The following BAX variants were observed in gnomAD, a reference collection of about 807,000 sequenced individuals.
BAX encodes apoptosis regulator BAX.
Under a neutral mutation model 26.8 loss-of-function variants are expected in BAX, and 21 were observed. That is an observed-to-expected ratio of 0.78 (90% CI 0.56 to 1.13). The LOEUF is 1.13. Among genes scored for constraint, BAX ranks in the 50% most tolerant of loss-of-function variants. The pLI is 0.00. For missense variants in BAX, 236 were observed against 254.6 expected (o/e 0.93, Z 0.50); for synonymous variants, 110 against 101.8 (o/e 1.08, Z -0.49).
intron 4 of BAX, among the ~76,000 whole-genome samples, chr19:48,960,077 G>C (rs906720562): frequency 5.3e-5 from 8 of 152,086 alleles, no homozygotes; most frequent in Non-Finnish European, 1.0e-4. Context: ...CCTGCACACA[G>C]GGCTTGTGGG....
chr19:48,955,415 A>T, intron 1 of BAX, 133 bp from the exon 2 acceptor site: 1 of 1,010,066 alleles, frequency 9.9e-7, no homozygotes. Context: ...CCCCCCCGTC[A>T]CTTTATCTGC....
intron 4 of BAX, chr19:48,960,136 G>C (rs1191809676): frequency 5.2e-6 from 2 of 383,014 alleles, no homozygotes; most frequent in Non-Finnish European, 5.2e-6. Flanking sequence ...GGGAGCCACA[G>C]AAGGCTCAGG....
rs1396684700 is a variant in BAX at position 48,961,771 on chromosome 19, G to A, written c.*135G>A. On this transcript the variant is annotated 3_prime_UTR_variant, in exon 6 of 6. Coordinates refer to ENST00000345358, the MANE Select transcript of BAX (RefSeq NM_138761.4). ...GGGGTGTGGGGAAGAGTGGTCTTGA[G>A]GGGGTAATAAACCTCCTTCGGGACA... 1 of 819,652 alleles carries A rather than the reference G, an allele frequency of 1.2e-6. No homozygotes were observed. Among genetic ancestry groups the A allele is most frequent in the Non-Finnish European group, 1.9e-6 (1 of 525,090 alleles). 50.8% of individuals were successfully genotyped at this position (819,652 alleles called of 1,614,324 possible).
intron 4 of BAX, among the ~76,000 whole-genome samples, chr19:48,957,479 T>C (rs2038187453): frequency 6.6e-6 from 1 of 151,328 alleles, no homozygotes; most frequent in Non-Finnish European, 1.5e-5. Context: ...TTCGCCATGT[T>C]GGCCAGGCTG....
intron 1 of BAX, chr19:48,955,220 C>A (rs1423915593): frequency 4.6e-6 from 2 of 439,140 alleles, no homozygotes; most frequent in Non-Finnish European, 7.6e-6. Flanking sequence ...CCCGGGCAGG[C>A]CCGGGCTTGT....
rs145765277 is a variant in BAX, at chr19:48,955,804, C to T, written c.204C>T (p.Asp68=). 5 of 1,608,950 alleles carry T rather than the reference C, an allele frequency of 3.1e-6. No individual in the cohort carries two copies. Among genetic ancestry groups the T allele is most frequent in the South Asian group, 2.2e-5 (2 of 90,686 alleles). The change falls in exon 3 of 6, where the codon GAC becomes GAT. Residue 68 remains aspartate (D), a synonymous_variant. Transcript: ENST00000345358. ...GCGAGTGTCTCAAGCGCATCGGGGACGAACTGGACAGTAACATGGAGCTGC... is the reference window on the plus strand; with the variant it reads ...GCGAGTGTCTCAAGCGCATCGGGGATGAACTGGACAGTAACATGGAGCTGC... ...KLSECLKRIG[D]ELDSNMELQR...
chr19:48,961,420 T>C, intron 5 of BAX, 112 bp from the exon 6 acceptor site: 1 of 1,199,062 alleles, frequency 8.3e-7, no homozygotes, highest in Non-Finnish European at 1.2e-6. Flanking sequence ...TTCATCTCAG[T>C]CCCCTGCCCG....
intron 4 of BAX, among the ~76,000 whole-genome samples, chr19:48,960,520 C>T (rs1025512778): frequency 1.3e-5 from 2 of 152,184 alleles, no homozygotes; most frequent in African/African-American, 4.8e-5. Context: ...TGTGCCACCA[C>T]GCCCGGCTAA....
At chr19:48,958,159 G>A (rs2122365377) in intron 4 of BAX, among the ~76,000 whole-genome samples, 1 of 150,950 alleles carries the variant, frequency 6.6e-6, no homozygotes, top group South Asian at 2.1e-4. Flanking sequence ...AGTGATCATA[G>A]CTCACTGCAG....
chr19:48,954,891 C>T lies in BAX; in HGVS notation c.-38C>T. ...GACCCGGGCGCGCTGCGGCCGCCCG[C>T]GCGGACCCGGCGAGAGGCGGCGGCG... On this transcript the variant is annotated 5_prime_UTR_variant, in exon 1 of 6. Coordinates refer to ENST00000345358, the MANE Select transcript of BAX (RefSeq NM_138761.4). 1 of 1,227,154 alleles carries T rather than the reference C, an allele frequency of 8.1e-7. No homozygotes were observed. The highest frequency in any genetic ancestry group is 1.0e-6 in the Non-Finnish European group (1 of 984,630). The allele number at this position is 1,227,154 out of a possible 1,614,324, so 76.0% of individuals were successfully genotyped here.
chr19:48,958,987 A>T (rs561582244), intron 4 of BAX, among the ~76,000 whole-genome samples: 1 of 152,132 alleles, frequency 6.6e-6, no homozygotes, highest in East Asian at 1.9e-4. Flanking sequence ...TAAAGGCTGC[A>T]GGAGAAGTCT....
In BAX at chr19:48,955,906, C is replaced by G. The variant is rs979565739; in HGVS notation, c.233+73C>G. On this transcript the variant is annotated intron_variant, in intron 3 of 5. Coordinates refer to ENST00000345358, the MANE Select transcript of BAX (RefSeq NM_138761.4). ...GACACAGGACTCTCAGCCCCGCATT[C>G]TCCTCCTCCCCTAAGAACTAGGAGT... 26 of 1,482,134 alleles carry G rather than the reference C, an allele frequency of 1.8e-5. 1 individual carries two copies. Among genetic ancestry groups the G allele is most frequent in the Middle Eastern group, 4.8e-4 (2 of 4,182 alleles). The allele number at this position is 1,482,134 out of a possible 1,614,324, so 91.8% of individuals were successfully genotyped here.
chr19:48,955,440 TCCAGGGTCC>T (rs2038085674), intron 1 of BAX, 99 bp from the exon 2 acceptor site: 2 of 1,304,310 alleles, frequency 1.5e-6, no homozygotes, highest in Non-Finnish European at 2.1e-6. Flanking sequence ...GTCCCAGAAG[TCCAGGGTCC>T]CCAGCTCTGT....
chr19:48,956,165 G>C lies in BAX; in HGVS notation c.234-33G>C, dbSNP rs757940370. The C allele has an allele frequency of 3.4e-6, 5 of 1,482,254 alleles. No individual in the cohort carries two copies. In the African/African-American group the frequency reaches 7.2e-5, roughly 21 times the overall value. The allele number at this position is 1,482,254 out of a possible 1,614,324, so 91.8% of individuals were successfully genotyped here. A position where few individuals can be genotyped will look rare whatever the true frequency, so the allele number is the denominator to read the frequency against. ...ATTTTCCACCATCAGCCTGATGCCT[G>C]CTCCCCGGCACTGGTTCTCCTCTCT... On this transcript the variant is annotated intron_variant, in intron 3 of 5. Transcript: ENST00000345358.
At chr19:48,958,112 G>A (rs1278454537) in intron 4 of BAX, among the ~76,000 whole-genome samples, 1 of 150,928 alleles carries the variant, frequency 6.6e-6, no homozygotes, top group Non-Finnish European at 1.5e-5. Flanking sequence ...TTTTTAAGAG[G>A]TAGGGTCTTG....
At chr19:48,958,199 T>C (rs1262761613) in intron 4 of BAX, among the ~76,000 whole-genome samples, 1 of 151,580 alleles carries the variant, frequency 6.6e-6, no homozygotes, top group Non-Finnish European at 1.5e-5. Flanking sequence ...AGCAGTTCTC[T>C]CGCCTCAGTC....
At chr19:48,958,533 T>C (rs1482640798) in intron 4 of BAX, among the ~76,000 whole-genome samples, 1 of 39,638 alleles carries the variant, frequency 2.5e-5, no homozygotes, top group African/African-American at 1.1e-4. Context: ...GGGATATTTC[T>C]TTCTTTCTTT....
At position 48,954,960 on chromosome 19, in the gene BAX, G is replaced by A. The variant is rs555248599; in HGVS notation, c.32G>A (p.Gly11Glu). The A allele has an allele frequency of 3.1e-5, 38 of 1,240,900 alleles. 1 individual carries two copies. The East Asian group carries it at 1.2e-3, about 39-fold the overall frequency. 76.9% of individuals were successfully genotyped at this position (1,240,900 alleles called of 1,614,324 possible). ...GGGTCCGGGGAGCAGCCCAGAGGCG[G>A]GGGTGAGGCGGGAGGCAGACGGGCG... MDGSGEQPRG[G>E]GPTSSEQIMK... is the part of the protein sequence containing the mutation. The change falls in exon 1 of 6, where the codon GGG (glycine) becomes GAG (glutamate). Residue 11 changes from glycine (G) to glutamate (E), a missense_variant and splice_region_variant. Gly to Glu is a moderately conservative substitution (Grantham distance 98). Transcript: ENST00000345358.
At chr19:48,957,032 AATG>A (rs2038163838) in intron 4 of BAX, among the ~76,000 whole-genome samples, 1 of 150,318 alleles carries the variant, frequency 6.7e-6, no homozygotes, top group Admixed American at 6.6e-5. Flanking sequence ...CCAAAGCTAG[AATG>A]ATAAGAAGCA....
Sources: gnomAD v4.1 joint callset for allele counts (sites outside exome capture counted in the v4.1 genomes callset) on GRCh38, gnomAD v4.1.1 for gene constraint, MANE v1.5 for transcripts, NCBI Gene and HGNC (gene_info 2026-07-23, HGNC 2026-07-21) for gene names.